DNAH7: variants seen among roughly 807,000 people sequenced by gnomAD.
DNAH7 encodes axonemal beta dynein heavy chain 7.
In DNAH7, 397 loss-of-function variants were observed where a neutral mutation model predicts 444.6. The ratio of observed to expected loss-of-function variants is 0.89; its 90% confidence interval spans 0.82 to 0.97. The LOEUF (loss-of-function observed/expected upper bound fraction) is 0.97, where lower values mean the gene tolerates loss of function less well. Among genes scored for constraint, DNAH7 ranks in the 50% least tolerant of loss-of-function variants. The pLI, the probability that DNAH7 is intolerant of heterozygous loss-of-function variation, is 0.00. For synonymous variants in DNAH7, 1,636 were observed against 1,624.4 expected (o/e 1.01, Z -0.17); for missense variants, 4,902 against 4,800.8 (o/e 1.02, Z -0.62).
Position 195,948,140 on chromosome 2 carries a change from T to G in DNAH7, c.3078+9121A>C, listed in dbSNP as rs1689949198. Among the ~76,000 whole-genome samples, 6 of 152,310 alleles carry G rather than the reference T, an allele frequency of 3.9e-5. No homozygotes were observed. In the South Asian group the frequency reaches 1.2e-3, roughly 32 times the overall value. On this transcript the variant is annotated intron_variant, in intron 19 of 64. Transcript: ENST00000312428. ...TGCCTTGCCCACTTTCTGATGGGGT[T>G]GTTTTTTTTCTTGTAAATTGGCTTA...
intron 58 of DNAH7, among the ~76,000 whole-genome samples, chr2:195,778,735 T>TATATATACACATATATATATACAC (rs1559090035): frequency 1.2e-4 from 16 of 137,680 alleles, no homozygotes; most frequent in Non-Finnish European, 1.9e-4. Flanking sequence ...TATATACACA[T>TATATATACACATATATATATACAC]ATATATATAT....
chr2:195,894,624 C>T (rs1484285678), intron 30 of DNAH7: 1 of 168,164 alleles, frequency 5.9e-6, no homozygotes, highest in African/African-American at 2.4e-5. Flanking sequence ...CAGCCAATAA[C>T]AGAAGCTTGC....
In DNAH7 at chr2:195,872,382, G is replaced by C. The variant is rs750014415; in HGVS notation, c.6501C>G (p.Leu2167=). 6.2e-7 allele frequency: 1 copy of C among 1,613,888 alleles called. No homozygotes were observed. Among genetic ancestry groups the C allele is most frequent in the Non-Finnish European group, 8.5e-7 (1 of 1,179,860 alleles). The change falls in exon 40 of 65, where the codon CTC becomes CTG. Residue 2167 remains leucine, a synonymous_variant. Transcript: ENST00000312428. ...AGTGAGATTTAGCTGGAGTAGGCAA[G>C]AGATTCTTCATTGCTTCTTTATACA... ...MTLYKEAMKN[L]LPTPAKSHYL... is the part of the protein sequence containing the mutation.
chr2:195,809,085 T>C (rs1696840537), intron 52 of DNAH7, among the ~76,000 whole-genome samples: 1 of 152,206 alleles, frequency 6.6e-6, no homozygotes, highest in Admixed American at 6.5e-5. Context: ...CCATTTCAAA[T>C]AGTTACTTTT....
Position 195,925,544 on chromosome 2 carries a change from T to C in DNAH7, c.3612+882A>G, listed in dbSNP as rs77651471. Among the ~76,000 whole-genome samples the C allele has an allele frequency of 2.3e-3, 352 of 152,294 alleles. 2 individuals carry two copies. The highest frequency in any genetic ancestry group is 7.9e-3 in the African/African-American group (328 of 41,564). On this transcript the variant is annotated intron_variant, in intron 22 of 64. Transcript: ENST00000312428. The stretch of plus-strand genomic sequence containing the variant: ...AAGAAAGACCTTTTCCTGAAAACCC[T>C]TGACTTCCTGTTTTACACCCTATTC...
intron 10 of DNAH7, among the ~76,000 whole-genome samples, chr2:196,009,138 GC>G (rs959592566): frequency 1.3e-5 from 2 of 152,038 alleles, no homozygotes; most frequent in African/African-American, 2.4e-5. Flanking sequence ...TGAGTGATCT[GC>G]CCCCATGACC....
At chr2:196,013,222 G>A (rs567022330) in intron 9 of DNAH7, among the ~76,000 whole-genome samples, 11 of 152,046 alleles carry the variant, frequency 7.2e-5, no homozygotes, top group Admixed American at 3.3e-4. Flanking sequence ...AAAGAGGGAG[G>A]GCTCAATGCT....
At chr2:195,988,371 G>T in intron 12 of DNAH7, 142 bp from the exon 13 acceptor site, 1 of 747,430 alleles carries the variant, frequency 1.3e-6, no homozygotes, top group Non-Finnish European at 2.0e-6. Flanking sequence ...CTAATCTATA[G>T]AAAGATATTA....
At chr2:195,830,261 C>T (rs1468119646) in intron 48 of DNAH7, among the ~76,000 whole-genome samples, 1 of 152,156 alleles carries the variant, frequency 6.6e-6, no homozygotes, top group Non-Finnish European at 1.5e-5. Flanking sequence ...CACACAGCCA[C>T]TAATACTTTT....
At chr2:195,848,477 A>G (rs1409860142) in intron 46 of DNAH7, among the ~76,000 whole-genome samples, 1 of 152,138 alleles carries the variant, frequency 6.6e-6, no homozygotes, top group Non-Finnish European at 1.5e-5. Flanking sequence ...TCACTTGATT[A>G]AAGTGTTGTC....
At chr2:195,940,075 A>C (rs1165729156) in intron 19 of DNAH7, among the ~76,000 whole-genome samples, 1 of 152,198 alleles carries the variant, frequency 6.6e-6, no homozygotes, top group Admixed American at 6.5e-5. Context: ...AACAATCCTA[A>C]GCAAAAAGAA....
chr2:195,877,630 T>G (rs1468631379), intron 36 of DNAH7, among the ~76,000 whole-genome samples: 1 of 152,210 alleles, frequency 6.6e-6, no homozygotes, highest in Non-Finnish European at 1.5e-5. Flanking sequence ...GCAATACATA[T>G]TTTAAAAAGG....
chr2:195,897,411 G>A (rs907966954), intron 29 of DNAH7, among the ~76,000 whole-genome samples: 6 of 152,076 alleles, frequency 3.9e-5, no homozygotes, highest in Non-Finnish European at 8.8e-5. Context: ...GAATTTATAA[G>A]CAAATATTTT....
chr2:195,906,457 T>TC, intron 27 of DNAH7, among the ~76,000 whole-genome samples: 1 of 138,370 alleles, frequency 7.2e-6, no homozygotes, highest in African/African-American at 2.9e-5. Flanking sequence ...TTCTTTCTTT[T>TC]TTTTTTTTTT....
chr2:195,978,908 G>C lies in DNAH7; in HGVS notation c.1833+5724C>G, dbSNP rs116990078. On this transcript the variant is annotated intron_variant, in intron 15 of 64. Coordinates refer to ENST00000312428, the MANE Select transcript of DNAH7 (RefSeq NM_018897.3). ...AGATATATAGGCACCCAACACTGGA[G>C]CACCAGGTATATTAAGCAAATATTA... Among the ~76,000 whole-genome samples, 169 of 152,226 alleles carry C rather than the reference G, an allele frequency of 1.1e-3. 5 individuals are homozygous for C. The East Asian group carries it at 0.031, about 28-fold the overall frequency.
At chr2:196,018,666 T>G (rs888024138) in intron 9 of DNAH7, among the ~76,000 whole-genome samples, 21 of 152,126 alleles carry the variant, frequency 1.4e-4, no homozygotes, top group African/African-American at 5.1e-4. Flanking sequence ...TGCTGAAGAA[T>G]GCATCAGAGT....
intron 31 of DNAH7, among the ~76,000 whole-genome samples, chr2:195,890,086 A>T (rs1039279069): frequency 1.3e-5 from 2 of 152,204 alleles, no homozygotes; most frequent in African/African-American, 4.8e-5. Flanking sequence ...TATGATTTCA[A>T]GTTGAAGTGG....
At position 195,954,167 on chromosome 2, in the gene DNAH7, T is replaced by C. The variant is rs547797325; in HGVS notation, c.3078+3094A>G. ...ACATTAGGTATATCTCCTAATGCTA[T>C]CCCTCCCCACTCTCCCCACCCCACG... On this transcript the variant is annotated intron_variant, in intron 19 of 64. Transcript: ENST00000312428. 3.0e-3 allele frequency among the ~76,000 whole-genome samples: 460 copies of C among 152,216 alleles called. 3 individuals carry two copies. Among genetic ancestry groups the C allele is most frequent in the African/African-American group, 0.011 (441 of 41,532 alleles).
intron 61 of DNAH7, among the ~76,000 whole-genome samples, chr2:195,769,575 T>C (rs1246051847): frequency 6.6e-6 from 1 of 152,008 alleles, no homozygotes; most frequent in African/African-American, 2.4e-5. Context: ...ACACATTCCT[T>C]CCCTATGATG....
Sources: gnomAD v4.1 joint callset for allele counts (sites outside exome capture counted in the v4.1 genomes callset) on GRCh38, gnomAD v4.1.1 for gene constraint, MANE v1.5 for transcripts, NCBI Gene and HGNC (gene_info 2026-07-23, HGNC 2026-07-21) for gene names.